Variants in EPHA3 observed in about 807,000 individuals in gnomAD.
EPHA3 encodes the protein ephrin type-A receptor 3.
Under a neutral mutation model 107.1 loss-of-function variants are expected in EPHA3, and 42 were observed. The ratio of observed to expected loss-of-function variants is 0.39; its 90% CI spans 0.31 to 0.51. EPHA3 has a LOEUF of 0.51. Ranked by LOEUF, EPHA3 falls within the 20% of genes least tolerant of loss-of-function variation. The pLI is 0.78. For synonymous variants in EPHA3, 461 were observed against 424.8 expected (o/e 1.09, Z -1.05); for missense variants, 1,183 against 1,211.2 (o/e 0.98, Z 0.35).
intron 3 of EPHA3, among the ~76,000 whole-genome samples, chr3:89,270,911 G>C (rs1447667715): frequency 1.3e-5 from 2 of 152,042 alleles, no homozygotes; most frequent in Non-Finnish European, 2.9e-5. Context: ...TTAAATCAGA[G>C]TAGATCATCA....
intron 3 of EPHA3, among the ~76,000 whole-genome samples, chr3:89,235,782 T>C (rs1156240603): frequency 6.6e-6 from 1 of 151,872 alleles, no homozygotes; most frequent in Non-Finnish European, 1.5e-5. Flanking sequence ...AAATAAAAAA[T>C]CAGTTTACAT....
chr3:89,230,398 T>A (rs567561188), intron 3 of EPHA3, among the ~76,000 whole-genome samples: 1 of 152,128 alleles, frequency 6.6e-6, no homozygotes, highest in African/African-American at 2.4e-5. Context: ...TGCAAAGTTA[T>A]GTTGGAAGTA....
At chr3:89,443,353 T>C (rs966844303) in intron 13 of EPHA3, among the ~76,000 whole-genome samples, 1 of 152,206 alleles carries the variant, frequency 6.6e-6, no homozygotes, top group African/African-American at 2.4e-5. Flanking sequence ...AAAAAGTTGA[T>C]GCTCAGTGAA....
intron 2 of EPHA3, among the ~76,000 whole-genome samples, chr3:89,170,257 G>GAAA (rs11450957): frequency 2.0e-4 from 23 of 114,142 alleles, no homozygotes; most frequent in Non-Finnish European, 3.3e-4. Flanking sequence ...CTCCGTATCA[G>GAAA]AAAAAAAAAA....
At chr3:89,109,936 G>T (rs1321713496) in intron 1 of EPHA3, among the ~76,000 whole-genome samples, 1 of 151,906 alleles carries the variant, frequency 6.6e-6, no homozygotes, top group Non-Finnish European at 1.5e-5. Context: ...TTTAACTTAG[G>T]TAATACTTGA....
chr3:89,374,532 G>A lies in EPHA3; in HGVS notation c.1307-21305G>A, dbSNP rs551558760. On this transcript the variant is annotated intron_variant, in intron 5 of 16. Transcript: ENST00000336596. ...TTGCTGTTTTATACTGTTATACACT[G>A]GGCATTAATAACCAAAAGTGAAGAG... 2.4e-4 allele frequency among the ~76,000 whole-genome samples: 37 copies of A among 151,886 alleles called. 1 individual carries two copies. In the South Asian group the frequency reaches 7.5e-3, roughly 31 times the overall value.
At chr3:89,302,186 G>A (rs1247018590) in intron 3 of EPHA3, among the ~76,000 whole-genome samples, 2 of 152,004 alleles carry the variant, frequency 1.3e-5, no homozygotes, top group African/African-American at 4.8e-5. Flanking sequence ...GTTGTCATCT[G>A]TCATTGAAAT....
chr3:89,322,572 G>C (rs1338394470), intron 3 of EPHA3, among the ~76,000 whole-genome samples: 1 of 152,148 alleles, frequency 6.6e-6, no homozygotes. Context: ...ACGAGATGTA[G>C]AGGGAAGGCA....
chr3:89,330,193 CT>C (rs1227972912), intron 3 of EPHA3, among the ~76,000 whole-genome samples: 1 of 151,868 alleles, frequency 6.6e-6, no homozygotes, highest in Non-Finnish European at 1.5e-5. Flanking sequence ...TAGAAACCCC[CT>C]TTCCATCTTA....
At chr3:89,146,571 A>T (rs1295021262) in intron 2 of EPHA3, among the ~76,000 whole-genome samples, 2 of 151,710 alleles carry the variant, frequency 1.3e-5, no homozygotes, top group Admixed American at 1.3e-4. Flanking sequence ...GATTGCAAAA[A>T]TTTTCTCCCA....
chr3:89,471,929 A>G (rs1710411275), intron 15 of EPHA3, among the ~76,000 whole-genome samples: 1 of 151,944 alleles, frequency 6.6e-6, no homozygotes, highest in African/African-American at 2.4e-5. Context: ...TTTATTTTTA[A>G]TGACATGCAG....
At chr3:89,396,505 G>T (rs189035892) in intron 6 of EPHA3, among the ~76,000 whole-genome samples, 2 of 152,090 alleles carry the variant, frequency 1.3e-5, no homozygotes, top group East Asian at 3.9e-4. Context: ...GCTTGGTAAT[G>T]CAATTATTAA....
chr3:89,189,755 A>AT (rs1218877040), intron 2 of EPHA3, among the ~76,000 whole-genome samples: 10 of 152,184 alleles, frequency 6.6e-5, no homozygotes, highest in South Asian at 2.1e-4. Flanking sequence ...CATTTGCAAT[A>AT]TTTTTTCACA....
At chr3:89,113,081 A>G (rs374770047) in intron 1 of EPHA3, among the ~76,000 whole-genome samples, 16 of 152,264 alleles carry the variant, frequency 1.1e-4, no homozygotes, top group African/African-American at 3.9e-4. Context: ...TACCAAGTAC[A>G]CAAGTAGCTT....
At chr3:89,355,615 A>C (rs1177548332) in intron 5 of EPHA3, among the ~76,000 whole-genome samples, 1 of 150,796 alleles carries the variant, frequency 6.6e-6, no homozygotes, top group Admixed American at 6.7e-5. Flanking sequence ...GACTAAACTT[A>C]CTGGCATCTT....
chr3:89,334,715 T>A (rs1382926190), intron 3 of EPHA3, among the ~76,000 whole-genome samples: 12 of 152,182 alleles, frequency 7.9e-5, no homozygotes. Flanking sequence ...AATCTGGGAA[T>A]ACGTAATTAC....
chr3:89,448,424 A>G (rs1346689429), intron 13 of EPHA3, among the ~76,000 whole-genome samples: 1 of 152,208 alleles, frequency 6.6e-6, no homozygotes, highest in Non-Finnish European at 1.5e-5. Context: ...AGTTTCACCC[A>G]AATTAACTAG....
chr3:89,367,945 T>C (rs1342822094), intron 5 of EPHA3, among the ~76,000 whole-genome samples: 1 of 150,734 alleles, frequency 6.6e-6, no homozygotes, highest in Non-Finnish European at 1.5e-5. Flanking sequence ...GAATGCTACT[T>C]CATATGCATT....
At position 89,209,408 on chromosome 3, in the gene EPHA3, C is replaced by A. The variant is rs559662606; in HGVS notation, c.154-452C>A. 3.3e-5 allele frequency among the ~76,000 whole-genome samples: 5 copies of A among 152,084 alleles called. No individual in the cohort carries two copies. The South Asian group carries it at 1.0e-3, about 32-fold the overall frequency. On this transcript the variant is annotated intron_variant, in intron 2 of 16. Coordinates refer to ENST00000336596, the MANE Select transcript of EPHA3 (RefSeq NM_005233.6). ...ACATAGTAAAAATATCATTTATATT[C>A]ACTTTATTTTACCTTATATCAATTT...
Sources: gnomAD v4.1 joint callset for allele counts (sites outside exome capture counted in the v4.1 genomes callset) on GRCh38, gnomAD v4.1.1 for gene constraint, MANE v1.5 for transcripts, NCBI Gene and HGNC (gene_info 2026-07-23, HGNC 2026-07-21) for gene names.